Variants in PTPN13 observed in about 807,000 individuals in gnomAD.
PTPN13 encodes tyrosine-protein phosphatase non-receptor type 13.
In PTPN13, 191 loss-of-function variants were observed where a neutral mutation model predicts 284.0. The observed-to-expected ratio is 0.67, with a 90% CI of 0.60 to 0.76. The LOEUF (loss-of-function observed/expected upper bound fraction) is 0.76, where lower values mean the gene tolerates loss of function less well. PTPN13 is among the 30% of genes least tolerant of loss of function. The pLI is 0.00. For missense variants in PTPN13, 2,797 were observed against 2,939.9 expected (o/e 0.95, Z 1.12); for synonymous variants, 986 against 1,022.3 (o/e 0.96, Z 0.68).
At position 86,594,575 on chromosome 4, in the gene PTPN13, C is replaced by T. The variant is rs1342358108; in HGVS notation, c.-220C>T. ...CCGGGATCGCCGCTGGGGAGCGTTT[C>T]CGAGGCGAGGAGGAGGAGGAGGAGA... On this transcript the variant is annotated 5_prime_UTR_variant, in exon 1 of 48. Coordinates refer to ENST00000411767, the MANE Select transcript of PTPN13 (RefSeq NM_080683.3). 3 of 152,564 alleles carry T rather than the reference C, an allele frequency of 2.0e-5. No homozygotes were observed. The highest frequency in any genetic ancestry group is 7.2e-5 in the African/African-American group (3 of 41,454). The allele number at this position is 152,564 out of a possible 1,614,324, so 9.5% of individuals were successfully genotyped here.
chr4:86,636,113 C>A (rs1019762590), intron 2 of PTPN13, among the ~76,000 whole-genome samples: 29 of 152,062 alleles, frequency 1.9e-4, no homozygotes, highest in African/African-American at 6.8e-4. Context: ...GATCATGGCA[C>A]AGAAAAGGAA....
chr4:86,626,119 C>T lies in PTPN13; in HGVS notation c.-5-9133C>T, dbSNP rs147191197. The stretch of plus-strand genomic sequence containing the variant: ...CAAATGTGAAATTAGAGATTTCCCC[C>T]CTGGTTTTACTTTTCTCCTAAGTTT... On this transcript the variant is annotated intron_variant, in intron 1 of 47. Coordinates refer to ENST00000411767, the MANE Select transcript of PTPN13 (RefSeq NM_080683.3). Among the ~76,000 whole-genome samples the T allele has an allele frequency of 2.3e-4, 35 of 152,168 alleles. No individual in the cohort carries two copies. In the East Asian group the frequency reaches 4.8e-3, roughly 21 times the overall value.
chr4:86,761,171 A>ATATATAG, intron 23 of PTPN13, among the ~76,000 whole-genome samples: 1 of 85,956 alleles, frequency 1.2e-5, no homozygotes, highest in East Asian at 4.4e-4. Context: ...TATATATATA[A>ATATATAG]ACACAACACA....
chr4:86,701,918 C>T (rs1375761544), intron 7 of PTPN13, 117 bp downstream of exon 7: 11 of 1,001,362 alleles, frequency 1.1e-5, no homozygotes, highest in Middle Eastern at 2.6e-4. Flanking sequence ...AATTTTTGTA[C>T]CCTGGTTAGT....
intron 8 of PTPN13, 80 bp from the exon 9 acceptor site, chr4:86,716,944 G>C: frequency 1.1e-6 from 1 of 934,656 alleles, no homozygotes; most frequent in Non-Finnish European, 1.7e-6. Context: ...CTCTATGTCT[G>C]CTAAGTGTTT....
chr4:86,756,551 GA>G (rs1299111498), intron 20 of PTPN13, among the ~76,000 whole-genome samples: 3 of 151,938 alleles, frequency 2.0e-5, no homozygotes, highest in African/African-American at 7.2e-5. Flanking sequence ...TGGTCAAAAA[GA>G]AACAACAGAA....
chr4:86,807,094 C>T (rs1179652369), intron 44 of PTPN13, among the ~76,000 whole-genome samples: 1 of 151,976 alleles, frequency 6.6e-6, no homozygotes, highest in Non-Finnish European at 1.5e-5. Flanking sequence ...ATAACATTTG[C>T]AATATATACT....
intron 17 of PTPN13, among the ~76,000 whole-genome samples, chr4:86,746,500 T>C (rs1324143029): frequency 6.6e-6 from 1 of 152,140 alleles, no homozygotes; most frequent in Non-Finnish European, 1.5e-5. Flanking sequence ...AGAATCATGA[T>C]AGGGGTGGAG....
chr4:86,720,383 G>T (rs994186183), intron 9 of PTPN13, among the ~76,000 whole-genome samples: 2 of 151,974 alleles, frequency 1.3e-5, no homozygotes, highest in Admixed American at 6.6e-5. Flanking sequence ...ATGTTTAAGG[G>T]GTAAACTGTC....
At chr4:86,812,033 G>A (rs575981815) in intron 47 of PTPN13, among the ~76,000 whole-genome samples, 2 of 152,146 alleles carry the variant, frequency 1.3e-5, no homozygotes, top group Admixed American at 1.3e-4. Flanking sequence ...CTTCTAGGCC[G>A]GGCGCGGTGG....
intron 41 of PTPN13, among the ~76,000 whole-genome samples, 154 bp downstream of exon 41, chr4:86,797,083 G>T (rs941423411): frequency 1.2e-4 from 19 of 152,318 alleles, no homozygotes; most frequent in African/African-American, 4.6e-4. Flanking sequence ...TTCGGGCCAG[G>T]TGCGGTGGCT....
At chr4:86,656,308 G>A (rs979521119) in intron 2 of PTPN13, among the ~76,000 whole-genome samples, 12 of 152,338 alleles carry the variant, frequency 7.9e-5, no homozygotes, top group African/African-American at 2.9e-4. Flanking sequence ...TTTGGAGTGG[G>A]AGAGGCCCTC....
At position 86,729,534 on chromosome 4, in the gene PTPN13, G is replaced by A. The variant is rs141864854; in HGVS notation, c.1609-2866G>A. ...TCCGTGTTTCTTGGAGGCTTTGTTC[G>A]TTTCTTTTTACTATTTTTTCTCTAA... On this transcript the variant is annotated intron_variant, in intron 10 of 47. Transcript: ENST00000411767. 3.1e-3 allele frequency among the ~76,000 whole-genome samples: 457 copies of A among 149,242 alleles called. 21 individuals are homozygous for A. Among genetic ancestry groups the A allele is most frequent in the African/African-American group, 0.01 (427 of 41,030 alleles).
chr4:86,755,466 G>A (rs1737866681), intron 20 of PTPN13, among the ~76,000 whole-genome samples: 2 of 151,764 alleles, frequency 1.3e-5, no homozygotes, highest in Non-Finnish European at 2.9e-5. Flanking sequence ...TTGTTTTACT[G>A]TAATTATTAT....
chr4:86,644,112 A>T (rs1251920442), intron 2 of PTPN13, among the ~76,000 whole-genome samples: 1 of 152,130 alleles, frequency 6.6e-6, no homozygotes, highest in African/African-American at 2.4e-5. Context: ...GAATTGTCCT[A>T]TATCTATTAA....
intron 3 of PTPN13, among the ~76,000 whole-genome samples, chr4:86,681,792 G>C (rs1043043105): frequency 1.3e-5 from 2 of 152,136 alleles, no homozygotes; most frequent in African/African-American, 2.4e-5. Flanking sequence ...GCTGGGCATG[G>C]TGGCAGGTGC....
intron 7 of PTPN13, among the ~76,000 whole-genome samples, chr4:86,715,947 ACT>A (rs1257925298): frequency 2.0e-5 from 3 of 152,124 alleles, no homozygotes; most frequent in Non-Finnish European, 4.4e-5. Flanking sequence ...TACAGTGCAC[ACT>A]CTGCACAAAC....
intron 2 of PTPN13, among the ~76,000 whole-genome samples, chr4:86,651,263 C>G (rs1166248090): frequency 6.6e-6 from 1 of 152,178 alleles, no homozygotes; most frequent in Non-Finnish European, 1.5e-5. Flanking sequence ...TGGGATGAAT[C>G]CCACTTGAAC....
rs1578528005 is a variant in PTPN13 at position 86,734,535 on chromosome 4, T to C, written c.2012+79T>C. On this transcript the variant is annotated intron_variant, in intron 13 of 47. Coordinates refer to ENST00000411767, the MANE Select transcript of PTPN13 (RefSeq NM_080683.3). Reference sequence around the variant, plus strand: ...CTTTAGCTTACTGATACTGAATTACTTGATTCCAATCAATGATAATGTCTG... The same window carrying C: ...CTTTAGCTTACTGATACTGAATTACCTGATTCCAATCAATGATAATGTCTG... The C allele has an allele frequency of 2.2e-6, 3 of 1,334,424 alleles. No individual in the cohort carries two copies. In the East Asian group the frequency reaches 7.6e-5, roughly 34 times the overall value. The allele number at this position is 1,334,424 out of a possible 1,614,324, so 82.7% of individuals were successfully genotyped here. A position where few individuals can be genotyped will look rare whatever the true frequency, so the allele number is the denominator to read the frequency against.
Sources: allele counts gnomAD v4.1 joint callset (sites outside exome capture counted in the v4.1 genomes callset), GRCh38; gene constraint gnomAD v4.1.1; transcripts MANE v1.5; gene names NCBI Gene and HGNC (gene_info 2026-07-23, HGNC 2026-07-21).